The following LARP4 variants were observed in gnomAD, a reference collection of about 807,000 sequenced individuals.
LARP4 encodes the protein La ribonucleoprotein 4, also known as la-related protein 4.
LARP4 carries 29 observed loss-of-function variants against 92.9 expected under a neutral mutation model. The observed-to-expected ratio is 0.31, with a 90% CI of 0.23 to 0.43. LARP4 has a LOEUF of 0.43. Among genes scored for constraint, LARP4 ranks in the 20% least tolerant of loss-of-function variants. The pLI is 1.00. For synonymous variants in LARP4, 279 were observed against 284.1 expected, an observed-to-expected ratio of 0.98 and a Z score of 0.18; for missense variants, 732 against 860.0, an observed-to-expected ratio of 0.85 and a Z score of 1.86.
intron 1 of LARP4, among the ~76,000 whole-genome samples, chr12:50,403,966 G>A (rs1442585472): frequency 6.6e-6 from 1 of 152,082 alleles, no homozygotes; most frequent in African/African-American, 2.4e-5. Flanking sequence ...GCTCATGCCT[G>A]TAATCCCAGC....
intron 4 of LARP4, among the ~76,000 whole-genome samples, chr12:50,432,877 A>AC (rs59127860): frequency 6.6e-6 from 1 of 150,378 alleles, no homozygotes. Context: ...AAAAAAAAAA[A>AC]GAAAAGCTGG....
intron 1 of LARP4, among the ~76,000 whole-genome samples, chr12:50,419,380 A>G (rs957951205): frequency 5.3e-5 from 8 of 152,118 alleles, no homozygotes; most frequent in Non-Finnish European, 8.8e-5. Flanking sequence ...AGGTAGGGAA[A>G]AAAAAGACTT....
intron 8 of LARP4, among the ~76,000 whole-genome samples, chr12:50,451,730 T>G (rs1351423757): frequency 2.0e-5 from 3 of 151,850 alleles, no homozygotes; most frequent in Admixed American, 6.6e-5. Flanking sequence ...CCAGCTACTC[T>G]GGAGGCTGAG....
At chr12:50,409,077 C>G (rs1565933313) in intron 1 of LARP4, among the ~76,000 whole-genome samples, 1 of 151,556 alleles carries the variant, frequency 6.6e-6, no homozygotes, top group African/African-American at 2.4e-5. Context: ...TTATTTTTGC[C>G]TTTTGAGTTG....
At chr12:50,441,703 A>T in intron 8 of LARP4, 60 bp downstream of exon 8, 4 of 1,219,524 alleles carry the variant, frequency 3.3e-6, no homozygotes, top group East Asian at 2.4e-5. Context: ...ATGAGAATTT[A>T]AAAAATACAG....
At chr12:50,427,984 GAC>G (rs1949049922) in intron 2 of LARP4, 75 bp downstream of exon 2, 1 of 623,484 alleles carries the variant, frequency 1.6e-6, no homozygotes, top group Admixed American at 3.3e-5. Flanking sequence ...CTGAACTTGA[GAC>G]ACATCTCTTT....
intron 4 of LARP4, among the ~76,000 whole-genome samples, chr12:50,432,246 T>TA (rs1453774332): frequency 6.6e-6 from 1 of 152,228 alleles, no homozygotes; most frequent in African/African-American, 2.4e-5. Flanking sequence ...GTACATTACA[T>TA]ACAACAGAAC....
Position 50,473,995 on chromosome 12 carries a change from T to C in LARP4, c.1668-4T>C. Reference sequence around the variant, plus strand: ...AGTCTAATTGCAAGCTCTTTTTTCCTTAGCACAACTCAGCAAGAAAAGGAT... The same window carrying C: ...AGTCTAATTGCAAGCTCTTTTTTCCCTAGCACAACTCAGCAAGAAAAGGAT... On this transcript the variant is annotated splice_polypyrimidine_tract_variant and splice_region_variant and intron_variant, in intron 14 of 15. Transcript: ENST00000398473. 6.2e-7 allele frequency: 1 copy of C among 1,610,234 alleles called. No individual in the cohort carries two copies. The highest frequency in any genetic ancestry group is 8.5e-7 in the Non-Finnish European group (1 of 1,179,366).
chr12:50,401,454 C>T (rs914136568), intron 1 of LARP4, among the ~76,000 whole-genome samples: 1 of 152,140 alleles, frequency 6.6e-6, no homozygotes, highest in African/African-American at 2.4e-5. Flanking sequence ...ACATGTGGGG[C>T]CACGGATGGA....
chr12:50,466,938 TTTA>T lies in LARP4; in HGVS notation c.1384-15_1384-13del. The T allele has an allele frequency of 6.3e-7, 1 of 1,596,522 alleles. No individual in the cohort carries two copies. Among genetic ancestry groups the T allele is most frequent in the South Asian group, 1.1e-5 (1 of 90,028 alleles). On this transcript the variant is annotated intron_variant, in intron 12 of 15. Transcript: ENST00000398473. ...GGAATGAGATAGCCATGTGACCTGT[TTTA>T]TTATTTGTTCATTTTAGAGACCTCA...
chr12:50,445,320 C>T (rs1951844288), intron 8 of LARP4, among the ~76,000 whole-genome samples: 1 of 152,152 alleles, frequency 6.6e-6, no homozygotes, highest in Non-Finnish European at 1.5e-5. Context: ...CACCATCATT[C>T]ACATGGTTCT....
At chr12:50,412,667 T>A (rs1946105425) in intron 1 of LARP4, among the ~76,000 whole-genome samples, 1 of 152,200 alleles carries the variant, frequency 6.6e-6, no homozygotes, top group Non-Finnish European at 1.5e-5. Context: ...TAATCAGGAC[T>A]GCCTTTGGCT....
intron 1 of LARP4, among the ~76,000 whole-genome samples, chr12:50,413,759 T>C (rs1320674898): frequency 6.6e-6 from 1 of 152,212 alleles, no homozygotes; most frequent in Non-Finnish European, 1.5e-5. Flanking sequence ...AAGTTGTTGC[T>C]CAGTTTCTCC....
intron 1 of LARP4, among the ~76,000 whole-genome samples, chr12:50,425,683 G>T (rs1301455193): frequency 6.6e-6 from 1 of 152,094 alleles, no homozygotes; most frequent in African/African-American, 2.4e-5. Context: ...CAGGAGCTGG[G>T]TCTTAGTGAG....
At chr12:50,439,059 T>A (rs1159248383) in intron 6 of LARP4, among the ~76,000 whole-genome samples, 1 of 152,212 alleles carries the variant, frequency 6.6e-6, no homozygotes, top group East Asian at 1.9e-4. Context: ...CATCTCAGCC[T>A]CCTGAGTAGT....
At chr12:50,463,857 G>C (rs1264425853) in intron 12 of LARP4, among the ~76,000 whole-genome samples, 1 of 152,124 alleles carries the variant, frequency 6.6e-6, no homozygotes, top group African/African-American at 2.4e-5. Context: ...TTTCCCCTCT[G>C]CACTGCCCTA....
chr12:50,467,522 C>T (rs1210042868), intron 13 of LARP4, among the ~76,000 whole-genome samples: 5 of 152,040 alleles, frequency 3.3e-5, no homozygotes, highest in African/African-American at 1.2e-4. Flanking sequence ...AGGCTGGTCT[C>T]CAGCTCCTGA....
rs143858563 is a variant in LARP4 at position 50,477,819 on chromosome 12, T to C, written c.*1955T>C. On this transcript the variant is annotated 3_prime_UTR_variant, in exon 16 of 16. Transcript: ENST00000398473. ...TGCTGAAATTTGGGGGAAGTTTAGG[T>C]CCTTTAAAAAAACATATTAATCATT... The C allele has an allele frequency of 6.6e-6, 1 of 152,462 alleles. No homozygotes were observed. Among genetic ancestry groups the C allele is most frequent in the Non-Finnish European group, 1.5e-5 (1 of 67,926 alleles). 9.4% of individuals were successfully genotyped at this position (152,462 alleles called of 1,614,324 possible). A position where few individuals can be genotyped will look rare whatever the true frequency, so the allele number is the denominator to read the frequency against.
intron 12 of LARP4, among the ~76,000 whole-genome samples, chr12:50,463,418 TCCAAAAAAAAA>T (rs1463215633): frequency 8.1e-4 from 26 of 32,220 alleles, no homozygotes; most frequent in Admixed American, 7.2e-3. Context: ...ACCCCATCTC[TCCAAAAAAAAA>T]AAAAAAAAAA....
Sources: gnomAD v4.1 joint callset for allele counts (sites outside exome capture counted in the v4.1 genomes callset) on GRCh38, gnomAD v4.1.1 for gene constraint, MANE v1.5 for transcripts, NCBI Gene and HGNC (gene_info 2026-07-23, HGNC 2026-07-21) for gene names.